The following SBF1 variants were observed in gnomAD, a reference collection of about 807,000 sequenced individuals.
The protein encoded by SBF1 is myotubularin-related protein 5.
Under a neutral mutation model 215.8 loss-of-function variants are expected in SBF1, and 65 were observed. That is an observed-to-expected ratio of 0.30 (90% confidence interval 0.25 to 0.37). The LOEUF is 0.37. Ranked by LOEUF, SBF1 falls within the 10% of genes least tolerant of loss-of-function variation. SBF1 has a pLI of 1.00. For missense variants in SBF1, 2,634 were observed against 2,667.8 expected, an observed-to-expected ratio of 0.99 and a Z score of 0.28; for synonymous variants, 1,410 against 1,122.8, an observed-to-expected ratio of 1.26 and a Z score of -5.11.
chr22:50,460,204 T>G, intron 25 of SBF1, 45 bp from the exon 26 acceptor site: 1 of 1,604,924 alleles, frequency 6.2e-7, no homozygotes, highest in Non-Finnish European at 8.5e-7. Context: ...CCACTCCGCC[T>G]GCCCTGATCC....
At chr22:50,450,429 G>C (rs755044068) in intron 36 of SBF1, among the ~76,000 whole-genome samples, 1 of 151,838 alleles carries the variant, frequency 6.6e-6, no homozygotes, top group African/African-American at 2.4e-5. Flanking sequence ...GCTGAGGCAG[G>C]AGAATTGCTT....
At chr22:50,467,712 CG>C in intron 3 of SBF1, 22 bp from the exon 4 acceptor site, 1 of 514,092 alleles carries the variant, frequency 1.9e-6, no homozygotes. Flanking sequence ...CAGGGGGAGA[CG>C]GGGGCAGGGG....
chr22:50,468,428 C>CAA lies in SBF1; in HGVS notation c.88_89insTT (p.Arg30LeufsTer55). The stretch of plus-strand genomic sequence containing the variant: ...GTCCTCCCAGTCCTTCTCTGGGAAG[C>CAA]GCTGCAGAATCTGGCCCTGGCCTTC... On this transcript the variant is annotated frameshift_variant, in exon 2 of 41. Coordinates refer to ENST00000380817, the MANE Select transcript of SBF1 (RefSeq NM_002972.4). LOFTEE classifies it high-confidence loss of function. 6.2e-7 allele frequency: 1 copy of CAA among 1,612,054 alleles called. No homozygotes were observed. Among genetic ancestry groups the CAA allele is most frequent in the Non-Finnish European group, 8.5e-7 (1 of 1,179,002 alleles).
In SBF1 at chr22:50,454,531, G is replaced by A; in HGVS notation, c.5024C>T (p.Ala1675Val). ...YDSCPRAQPD[A>V]ISRLLEELQR... is the part of the protein sequence containing the mutation. ...ACGCACCTCCAGCAGGCGTGAGATG[G>A]CGTCAGGCTGGGCCCGCGGGCAGCT... The change falls in exon 36 of 41, where the codon GCC becomes GTC. Residue 1675 changes from alanine (A) to valine (V), a missense_variant. Ala to Val is a moderately conservative substitution (Grantham distance 64, BLOSUM62 0). Coordinates refer to ENST00000380817, the MANE Select transcript of SBF1 (RefSeq NM_002972.4). 6.2e-7 allele frequency: 1 copy of A among 1,610,120 alleles called. No homozygotes were observed. The highest frequency in any genetic ancestry group is 8.5e-7 in the Non-Finnish European group (1 of 1,179,838).
In SBF1 at chr22:50,454,539, C is replaced by A. The variant is rs747994905; in HGVS notation, c.5016G>T (p.Gln1672His). 6.2e-7 allele frequency: 1 copy of A among 1,610,662 alleles called. No homozygotes were observed. The highest frequency in any genetic ancestry group is 1.3e-5 in the African/African-American group (1 of 75,030). The stretch of plus-strand genomic sequence containing the variant: ...CCAGCAGGCGTGAGATGGCGTCAGG[C>A]TGGGCCCGCGGGCAGCTGTCGTAAC... ...WPCYDSCPRA[Q>H]PDAISRLLEE... Residue 1672 changes from glutamine (Q) to histidine (H), a missense_variant, in exon 36 of 41, where the codon CAG becomes CAT. Coordinates refer to ENST00000380817, the MANE Select transcript of SBF1 (RefSeq NM_002972.4).
intron 26 of SBF1, 122 bp from the exon 27 acceptor site, chr22:50,459,788 C>T (rs2067422080): frequency 1.0e-5 from 14 of 1,334,830 alleles, no homozygotes; most frequent in East Asian, 2.5e-5. Context: ...AGCTCAGCCA[C>T]GGGGCCCCCC....
At chr22:50,472,702 G>A (rs1372954084) in intron 1 of SBF1, among the ~76,000 whole-genome samples, 3 of 152,210 alleles carry the variant, frequency 2.0e-5, no homozygotes, top group Non-Finnish European at 4.4e-5. Flanking sequence ...GCAAAGCAGA[G>A]ACAAGTGACC....
intron 1 of SBF1, among the ~76,000 whole-genome samples, chr22:50,469,179 T>C (rs2067904403): frequency 6.6e-6 from 1 of 152,168 alleles, no homozygotes; most frequent in South Asian, 2.1e-4. Flanking sequence ...CCTGAGCACC[T>C]GGACCCCAGC....
intron 5 of SBF1, chr22:50,467,134 G>C (rs1049190122): frequency 1.7e-6 from 1 of 600,084 alleles, no homozygotes; most frequent in East Asian, 2.8e-5. Flanking sequence ...TGGACAGAGA[G>C]GCTGAACGAC....
At chr22:50,474,291 T>C (rs1193539614) in intron 1 of SBF1, among the ~76,000 whole-genome samples, 2 of 152,162 alleles carry the variant, frequency 1.3e-5, no homozygotes, top group Non-Finnish European at 2.9e-5. Context: ...CACCCCCTCT[T>C]TGCACCCCGC....
In SBF1 at chr22:50,456,485, C is replaced by CCCAA; in HGVS notation, c.4086+6_4086+7insTTGG. ...CCCTCACCCCCCACCCCCCGCACCC[C>CCCAA]AGTCACCTTGAGCTGGGCTTTGTCC... On this transcript the variant is annotated splice_region_variant and intron_variant, in intron 30 of 40. Coordinates refer to ENST00000380817, the MANE Select transcript of SBF1 (RefSeq NM_002972.4). The CCCAA allele has an allele frequency of 6.6e-7, 1 of 1,524,390 alleles. No homozygotes were observed. The highest frequency in any genetic ancestry group is 8.8e-7 in the Non-Finnish European group (1 of 1,131,074). The allele number at this position is 1,524,390 out of a possible 1,614,324, so 94.4% of individuals were successfully genotyped here. A position where few individuals can be genotyped will look rare whatever the true frequency, so the allele number is the denominator to read the frequency against.
chr22:50,456,911 G>C, intron 29 of SBF1, 123 bp downstream of exon 29: 1 of 874,868 alleles, frequency 1.1e-6, no homozygotes, highest in Non-Finnish European at 1.7e-6. Flanking sequence ...ACTGGGGCTC[G>C]GGAGACGGGT....
Position 50,454,822 on chromosome 22 carries a change from C to T in SBF1, c.4804G>A (p.Asp1602Asn), listed in dbSNP as rs1408522311. 1 of 1,614,014 alleles carries T rather than the reference C, an allele frequency of 6.2e-7. No homozygotes were observed. Among genetic ancestry groups the T allele is most frequent in the Non-Finnish European group, 8.5e-7 (1 of 1,179,974 alleles). ...CCCAGGCCCCAGCTTACCTCTGCGTCCTCGGGCGCATACATGTAATTGTGG... is the reference window on the plus strand; with the variant it reads ...CCCAGGCCCCAGCTTACCTCTGCGTTCTCGGGCGCATACATGTAATTGTGG... ...VFHNYMYAPE[D>N]AEVLRPYSNV... Residue 1602 changes from aspartate (D) to asparagine (N), a missense_variant, in exon 35 of 41, where the codon GAC (aspartate) becomes AAC (asparagine). Coordinates refer to ENST00000380817, the MANE Select transcript of SBF1 (RefSeq NM_002972.4).
At position 50,464,814 on chromosome 22, in the gene SBF1, C is replaced by T. The variant is rs749969385; in HGVS notation, c.1431+5G>A. 28 of 1,613,436 alleles carry T rather than the reference C, an allele frequency of 1.7e-5. No homozygotes were observed. The African/African-American group carries it at 2.0e-4, about 12-fold the overall frequency. On this transcript the variant is annotated splice_donor_5th_base_variant and intron_variant, in intron 13 of 40. Coordinates refer to ENST00000380817, the MANE Select transcript of SBF1 (RefSeq NM_002972.4). ...CGACGCCCTCCCGTCCTGCTACCCT[C>T]GTACGTTCTTGTAGAGCTGCTCTGC...
At chr22:50,456,446 C>T in intron 30 of SBF1, 46 bp downstream of exon 30, 1 of 1,561,346 alleles carries the variant, frequency 6.4e-7, no homozygotes, top group Non-Finnish European at 8.7e-7. Context: ...CCCAAGCCCC[C>T]TGCCGAGCCC....
At chr22:50,460,830 A>G (rs1411943004) in intron 23 of SBF1, 118 bp from the exon 24 acceptor site, 1 of 1,147,014 alleles carries the variant, frequency 8.7e-7, no homozygotes, top group Non-Finnish European at 1.3e-6. Context: ...AGCAGGCCCC[A>G]GGCAAAGGCC....
At chr22:50,464,169 C>T (rs561002004) in intron 15 of SBF1, among the ~76,000 whole-genome samples, 160 bp downstream of exon 15, 1 of 152,340 alleles carries the variant, frequency 6.6e-6, no homozygotes, top group South Asian at 2.1e-4. Flanking sequence ...AGAGAGGAGA[C>T]CTGGAGCCCA....
chr22:50,468,276 G>T, intron 2 of SBF1, 100 bp downstream of exon 2: 1 of 1,154,426 alleles, frequency 8.7e-7, no homozygotes, highest in Non-Finnish European at 1.3e-6. Flanking sequence ...CCAGCGGGGG[G>T]CCGGGCACTG....
At chr22:50,469,340 G>A (rs1383869287) in intron 1 of SBF1, among the ~76,000 whole-genome samples, 2 of 152,234 alleles carry the variant, frequency 1.3e-5, no homozygotes, top group South Asian at 2.1e-4. Context: ...GAGCCAAGAG[G>A]CCTATGTCTC....
Sources: allele counts gnomAD v4.1 joint callset (sites outside exome capture counted in the v4.1 genomes callset), GRCh38; gene constraint gnomAD v4.1.1; transcripts MANE v1.5; gene names NCBI Gene and HGNC (gene_info 2026-07-23, HGNC 2026-07-21).